Variants in SRCIN1 observed in about 807,000 individuals in gnomAD.
SRCIN1 encodes the protein P130Cas-associated protein.
Under a neutral mutation model 116.2 loss-of-function variants are expected in SRCIN1, and 50 were observed. That is an observed-to-expected ratio of 0.43 (90% CI 0.34 to 0.54). SRCIN1 has a LOEUF of 0.54. Ranked by LOEUF, SRCIN1 falls within the 20% of genes least tolerant of loss-of-function variation. The pLI is 0.02. For synonymous variants in SRCIN1, 736 were observed against 750.0 expected (o/e 0.98, Z 0.30); for missense variants, 1,446 against 1,672.0 (o/e 0.86, Z 2.36).
intron 14 of SRCIN1, 83 bp from the exon 15 acceptor site, chr17:38,551,472 C>G (rs1290151689): frequency 8.4e-7 from 1 of 1,195,056 alleles, no homozygotes; most frequent in Non-Finnish European, 1.2e-6. Context: ...CCCCAAGCCA[C>G]GTAGGCAAGG....
intron 1 of SRCIN1, among the ~76,000 whole-genome samples, chr17:38,591,593 C>CAA (rs1335118402): frequency 6.6e-6 from 1 of 152,198 alleles, no homozygotes; most frequent in Non-Finnish European, 1.5e-5. Flanking sequence ...CCAGGAAAAA[C>CAA]AAATGCTCAG....
At position 38,544,091 on chromosome 17, in the gene SRCIN1, A is replaced by G; in HGVS notation, c.3271-122T>C. On this transcript the variant is annotated intron_variant, in intron 17 of 18. Transcript: ENST00000617146. The surrounding 1 kb of genome is among the most constrained non-coding windows in gnomAD (Gnocchi z 4.5). ...CTCAGTGGGGCCCTTTGAGACCTGGAGACCCCTCTCTAGCTCCACACCCGA... is the reference window on the plus strand; with the variant it reads ...CTCAGTGGGGCCCTTTGAGACCTGGGGACCCCTCTCTAGCTCCACACCCGA... The G allele has an allele frequency of 1.6e-6, 2 of 1,232,016 alleles. No individual in the cohort carries two copies. Among genetic ancestry groups the G allele is most frequent in the Non-Finnish European group, 1.1e-6 (1 of 911,116 alleles). 76.3% of individuals were successfully genotyped at this position (1,232,016 alleles called of 1,614,324 possible). A position where few individuals can be genotyped will look rare whatever the true frequency, so the allele number is the denominator to read the frequency against.
Position 38,564,301 on chromosome 17 carries a change from G to C in SRCIN1, c.358C>G (p.Arg120Gly). 6.4e-7 allele frequency: 1 copy of C among 1,559,534 alleles called. No homozygotes were observed. The highest frequency in any genetic ancestry group is 8.6e-7 in the Non-Finnish European group (1 of 1,156,858). ...CCGGGCTGGGCTCCCTGAGTGTGGC[G>C]TGAGCTGCGGGTCTGCAGGGGCCGG... ...NYWSFKTRSS[R>G]HTQGAQPGLA... is the part of the protein sequence containing the mutation. Residue 120 changes from arginine to glycine, a missense_variant, in exon 4 of 19, where the codon CGC becomes GGC. Around this residue, in one of 5 missense-constraint regions of SRCIN1, gnomAD observed 246 missense variants for 265.1 expected, o/e 0.93. Transcript: ENST00000617146.
intron 2 of SRCIN1, among the ~76,000 whole-genome samples, chr17:38,578,242 G>T (rs889469276): frequency 6.6e-6 from 1 of 152,190 alleles, no homozygotes; most frequent in African/African-American, 2.4e-5. Context: ...ACACGCTCTC[G>T]ATTTCCGGAC....
rs1002250510 is a variant in SRCIN1 at position 38,562,253 on chromosome 17, C to G, written c.910G>C (p.Ala304Pro). The change falls in exon 7 of 19, where the codon GCA becomes CCA. Residue 304 changes from alanine to proline, a missense_variant. Ala to Pro is a conservative substitution (Grantham distance 27). Transcript: ENST00000617146. This position sits in a 1 kb window ranked among gnomAD's most constrained non-coding sequence, Gnocchi z 4.2. ...LNNLSPAPHLASGSPPPGLPS... is the reference protein window; with the variant it reads ...LNNLSPAPHLPSGSPPPGLPS... ...AGCCCGGGCGGCGGCGAGCCGGATGCCAGGTGCGGCGCTGGTGACAGGTTG... is the reference window on the plus strand; with the variant it reads ...AGCCCGGGCGGCGGCGAGCCGGATGGCAGGTGCGGCGCTGGTGACAGGTTG... The G allele has an allele frequency of 6.1e-6, 9 of 1,466,014 alleles. No individual in the cohort carries two copies. The highest frequency in any genetic ancestry group is 2.6e-5 in the Admixed American group (1 of 38,546). 90.8% of individuals were successfully genotyped at this position (1,466,014 alleles called of 1,614,324 possible). A position where few individuals can be genotyped will look rare whatever the true frequency, so the allele number is the denominator to read the frequency against.
chr17:38,549,032 C>A (rs779756638), intron 16 of SRCIN1, 24 bp downstream of exon 16: 19 of 1,612,624 alleles, frequency 1.2e-5, no homozygotes, highest in Non-Finnish European at 1.4e-5. Flanking sequence ...TCCCCTGGCC[C>A]TCTGTCTGAG....
chr17:38,568,116 C>T lies in SRCIN1; in HGVS notation c.345+95G>A, dbSNP rs912445800. 26 of 1,460,108 alleles carry T rather than the reference C, an allele frequency of 1.8e-5. No individual in the cohort carries two copies. Among genetic ancestry groups the T allele is most frequent in the Admixed American group, 7.3e-5 (4 of 54,796 alleles). The allele number at this position is 1,460,108 out of a possible 1,614,324, so 90.4% of individuals were successfully genotyped here. A position where few individuals can be genotyped will look rare whatever the true frequency, so the allele number is the denominator to read the frequency against. ...ATACCAGAAGGTGTCCGTGCAGATG[C>T]GCACCCCGGTGCAAAGCCTGTGCAA... On this transcript the variant is annotated intron_variant, in intron 3 of 18. Coordinates refer to ENST00000617146, the MANE Select transcript of SRCIN1 (RefSeq NM_025248.3). The surrounding 1 kb of genome is among the most constrained non-coding windows in gnomAD (Gnocchi z 4.5).
chr17:38,536,819 T>G (rs911800797), intron 18 of SRCIN1, among the ~76,000 whole-genome samples: 1 of 152,154 alleles, frequency 6.6e-6, no homozygotes, highest in East Asian at 1.9e-4. Context: ...AGTGACTGAT[T>G]TAGGAATGGG....
chr17:38,566,866 T>TCTCCTTCCTTCC (rs1555609841), intron 3 of SRCIN1, among the ~76,000 whole-genome samples: 1 of 131,920 alleles, frequency 7.6e-6, no homozygotes. Context: ...TTTTGTTTCG[T>TCTCCTTCCTTCC]TTCCTTCCTT....
Position 38,564,328 on chromosome 17 carries a change from C to T in SRCIN1, c.346-15G>A, listed in dbSNP as rs979854824. 2.6e-6 allele frequency: 4 copies of T among 1,528,408 alleles called. No homozygotes were observed. The highest frequency in any genetic ancestry group is 1.4e-5 in the African/African-American group (1 of 71,724). The allele number at this position is 1,528,408 out of a possible 1,614,324, so 94.7% of individuals were successfully genotyped here. On this transcript the variant is annotated splice_polypyrimidine_tract_variant and intron_variant, in intron 3 of 18. Transcript: ENST00000617146. The stretch of plus-strand genomic sequence containing the variant: ...GAGCTGCGGGTCTGCAGGGGCCGGG[C>T]AGGGTGAGAGGAACCAAGGATGAGC...
intron 3 of SRCIN1, among the ~76,000 whole-genome samples, chr17:38,567,272 C>CAAGG (rs1906783016): frequency 2.0e-5 from 3 of 152,158 alleles, no homozygotes; most frequent in Admixed American, 2.0e-4. Flanking sequence ...GAGGAGAAAC[C>CAAGG]AAGGCTAAGA....
intron 2 of SRCIN1, among the ~76,000 whole-genome samples, chr17:38,576,055 A>C (rs1443460331): frequency 6.6e-6 from 1 of 152,114 alleles, no homozygotes; most frequent in Non-Finnish European, 1.5e-5. Flanking sequence ...CTAAGTATTT[A>C]CTGAGTTCCA....
chr17:38,581,895 C>A (rs1335733590), intron 1 of SRCIN1, among the ~76,000 whole-genome samples: 3 of 152,208 alleles, frequency 2.0e-5, no homozygotes, highest in East Asian at 3.8e-4. Flanking sequence ...TAACCCCTGA[C>A]CTTCCTCCTC....
chr17:38,542,567 C>T (rs557972115), intron 18 of SRCIN1: 31 of 154,980 alleles, frequency 2.0e-4, no homozygotes, highest in Non-Finnish European at 3.9e-4. Context: ...AGGTGGGGCT[C>T]GCAGGGTGTC....
Position 38,572,059 on chromosome 17 carries a change from G to T in SRCIN1, c.325-3828C>A, listed in dbSNP as rs1232104849. Among the ~76,000 whole-genome samples, 1 of 152,012 alleles carries T rather than the reference G, an allele frequency of 6.6e-6. No individual in the cohort carries two copies. Among genetic ancestry groups the T allele is most frequent in the African/African-American group, 2.4e-5 (1 of 41,418 alleles). ...CTCCCCTGGGCAGGCATCCCCAGCA[G>T]GTTCAGTGAGCAAATGACCCCTCCT... On this transcript the variant is annotated intron_variant, in intron 2 of 18. Coordinates refer to ENST00000617146, the MANE Select transcript of SRCIN1 (RefSeq NM_025248.3). The surrounding 1 kb of genome is among the most constrained non-coding windows in gnomAD (Gnocchi z 4.3).
intron 11 of SRCIN1, among the ~76,000 whole-genome samples, chr17:38,553,696 A>G (rs1905596682): frequency 6.6e-6 from 1 of 152,128 alleles, no homozygotes; most frequent in South Asian, 2.1e-4. Flanking sequence ...TCAGGTCTTC[A>G]CTTGTGCCAT....
In SRCIN1 at chr17:38,572,743, C is replaced by T. The variant is rs938065897; in HGVS notation, c.325-4512G>A. The stretch of plus-strand genomic sequence containing the variant: ...GGCTGGGGAGGGAGGGCCCCTACTC[C>T]CACCCGCCCGGGCTCTTCTCTCCCC... On this transcript the variant is annotated intron_variant, in intron 2 of 18. Coordinates refer to ENST00000617146, the MANE Select transcript of SRCIN1 (RefSeq NM_025248.3). This position sits in a 1 kb window ranked among gnomAD's most constrained non-coding sequence, Gnocchi z 4.3. The T allele has an allele frequency of 3.9e-5, 6 of 152,790 alleles. No homozygotes were observed. Among genetic ancestry groups the T allele is most frequent in the African/African-American group, 1.4e-4 (6 of 41,406 alleles). 9.5% of individuals were successfully genotyped at this position (152,790 alleles called of 1,614,324 possible). A position where few individuals can be genotyped will look rare whatever the true frequency, so the allele number is the denominator to read the frequency against.
At chr17:38,600,246 A>G (rs1413894719) in intron 1 of SRCIN1, among the ~76,000 whole-genome samples, 1 of 152,172 alleles carries the variant, frequency 6.6e-6, no homozygotes, top group Non-Finnish European at 1.5e-5. Flanking sequence ...CCAGGCTATC[A>G]ACCTTTACCC....
At position 38,570,724 on chromosome 17, in the gene SRCIN1, C is replaced by T. The variant is rs372309046; in HGVS notation, c.325-2493G>A. On this transcript the variant is annotated intron_variant, in intron 2 of 18. Transcript: ENST00000617146. ...TGGCTATGGCCTCCACATGGGCCTG[C>T]CCCAGGGTCCCAAGGCTGTGCACAT... Among the ~76,000 whole-genome samples the T allele has an allele frequency of 2.7e-4, 41 of 152,354 alleles. 1 individual carries two copies. The highest frequency in any genetic ancestry group is 2.3e-3 in the East Asian group (12 of 5,188).
Sources: gnomAD v4.1 joint callset for allele counts (sites outside exome capture counted in the v4.1 genomes callset) on GRCh38, gnomAD v4.1.1 for gene constraint, gnomAD v4.1.1 regional missense constraint, Gnocchi (gnomAD v3.1) non-coding constraint, MANE v1.5 for transcripts, NCBI Gene and HGNC (gene_info 2026-07-23, HGNC 2026-07-21) for gene names.